SFXN2: variants seen among roughly 807,000 people sequenced by gnomAD.
SFXN2 encodes sideroflexin 2, also known as sideroflexin-2.
A neutral mutation model predicts 41.9 loss-of-function variants in SFXN2; 37 were observed. That is an observed-to-expected ratio of 0.88 (90% CI 0.68 to 1.16). SFXN2 has a LOEUF of 1.16. SFXN2 is among the 50% of genes most tolerant of loss of function. The pLI is 0.00. For missense variants in SFXN2, 386 were observed against 425.2 expected (o/e 0.91, Z 0.81); for synonymous variants, 150 against 156.7 (o/e 0.96, Z 0.32).
At chr10:102,735,620 C>T (rs1451929236) in intron 10 of SFXN2, among the ~76,000 whole-genome samples, 1 of 152,162 alleles carries the variant, frequency 6.6e-6, no homozygotes, top group Non-Finnish European at 1.5e-5. Flanking sequence ...TCTTCCTCTG[C>T]TTGAACAATG....
intron 1 of SFXN2, among the ~76,000 whole-genome samples, chr10:102,723,254 G>A (rs2136035588): frequency 7.4e-6 from 1 of 135,320 alleles, no homozygotes; most frequent in East Asian, 2.3e-4. Flanking sequence ...CGACTAGAAA[G>A]TTTTGTTTTT....
At chr10:102,715,554 T>C (rs2064397609) in intron 1 of SFXN2, among the ~76,000 whole-genome samples, 1 of 152,164 alleles carries the variant, frequency 6.6e-6, no homozygotes, top group African/African-American at 2.4e-5. Flanking sequence ...TTCTAGACGC[T>C]GGAGACACAG....
intron 6 of SFXN2, among the ~76,000 whole-genome samples, chr10:102,731,437 T>C (rs1484471352): frequency 6.6e-6 from 1 of 152,090 alleles, no homozygotes; most frequent in Non-Finnish European, 1.5e-5. Flanking sequence ...TAAGCAAAAC[T>C]GAGGCTTTGG....
chr10:102,733,201 G>A (rs1274629130), intron 9 of SFXN2, among the ~76,000 whole-genome samples: 1 of 152,200 alleles, frequency 6.6e-6, no homozygotes, highest in Non-Finnish European at 1.5e-5. Context: ...AGGCTGGAGT[G>A]CAGTGGCGCG....
rs1388672489 is a variant in SFXN2, at chr10:102,741,486, G to A, written c.*3724G>A. 6.6e-6 allele frequency: 1 copy of A among 152,224 alleles called. No homozygotes were observed. Among genetic ancestry groups the A allele is most frequent in the African/African-American group, 2.4e-5 (1 of 41,448 alleles). 9.4% of individuals were successfully genotyped at this position (152,224 alleles called of 1,614,324 possible). On this transcript the variant is annotated 3_prime_UTR_variant, in exon 12 of 12. Transcript: ENST00000369893. ...AGAAGAGGTATAGAAGCTTCCTTTT[G>A]ATCCAAGGTCTTTTCCTCAATCCTG...
rs1270086932 is a variant in SFXN2, at chr10:102,729,669, C to T, written c.508-54C>T. 1.7e-5 allele frequency: 27 copies of T among 1,554,330 alleles called. 1 individual carries two copies. The highest frequency in any genetic ancestry group is 6.7e-5 in the South Asian group (6 of 89,932). Reference sequence around the variant, plus strand: ...GTATTCTAGTCGTTCAGCCCCCTCCCCTCCCATCTTCCAGCGCTTCTGAAC... The same window carrying T: ...GTATTCTAGTCGTTCAGCCCCCTCCTCTCCCATCTTCCAGCGCTTCTGAAC... On this transcript the variant is annotated intron_variant, in intron 5 of 11. Transcript: ENST00000369893.
At chr10:102,732,945 A>G in intron 9 of SFXN2, 37 bp downstream of exon 9, 3 of 1,611,652 alleles carry the variant, frequency 1.9e-6, no homozygotes, top group Non-Finnish European at 2.5e-6. Flanking sequence ...CCCTGCCCAG[A>G]GTGCGTCCAG....
intron 5 of SFXN2, 68 bp downstream of exon 5, chr10:102,729,462 TC>T: frequency 6.4e-7 from 1 of 1,559,136 alleles, no homozygotes. Flanking sequence ...AAAACGTCCT[TC>T]CCCCAGGGAC....
intron 4 of SFXN2, 72 bp downstream of exon 4, chr10:102,728,601 C>A: frequency 7.4e-7 from 1 of 1,344,130 alleles, no homozygotes; most frequent in South Asian, 1.2e-5. Flanking sequence ...TCTGGGCTGT[C>A]AGTCCTTCCT....
intron 1 of SFXN2, among the ~76,000 whole-genome samples, chr10:102,724,574 C>T (rs1413800459): frequency 2.0e-5 from 3 of 151,980 alleles, no homozygotes; most frequent in Non-Finnish European, 2.9e-5. Flanking sequence ...TGGTGGTGCA[C>T]GCCTGTAGTC....
Position 102,727,026 on chromosome 10 carries a change from G to A in SFXN2, c.201G>A (p.Leu67=). ...VVPPGTQVEQ[L]LYAKKLYDSA... ...CCCCAGGCACCCAAGTGGAGCAGCT[G>A]CTGTATGCCAAGAAGCTGTATGACT... The change falls in exon 3 of 12, where the codon CTG becomes CTA. Residue 67 remains leucine, a synonymous_variant. Coordinates refer to ENST00000369893, the MANE Select transcript of SFXN2 (RefSeq NM_178858.6). 2 of 1,605,690 alleles carry A rather than the reference G, an allele frequency of 1.2e-6. No individual in the cohort carries two copies. Among genetic ancestry groups the A allele is most frequent in the Non-Finnish European group, 1.7e-6 (2 of 1,173,188 alleles).
chr10:102,722,903 G>A (rs1165888777), intron 1 of SFXN2, among the ~76,000 whole-genome samples: 1 of 124,460 alleles, frequency 8.0e-6, no homozygotes, highest in Non-Finnish European at 1.7e-5. Flanking sequence ...CAAATTTCCT[G>A]TTTTGTTTGT....
intron 1 of SFXN2, among the ~76,000 whole-genome samples, chr10:102,723,367 T>C (rs1217840905): frequency 3.3e-5 from 5 of 151,830 alleles, no homozygotes; most frequent in African/African-American, 4.8e-5. Flanking sequence ...TTCTCCTGCC[T>C]CAGCCTCCCG....
intron 11 of SFXN2, among the ~76,000 whole-genome samples, 160 bp from the exon 12 acceptor site, chr10:102,737,503 G>A (rs1344377162): frequency 2.0e-5 from 3 of 152,192 alleles, no homozygotes; most frequent in African/African-American, 7.2e-5. Context: ...GGAGAATGAA[G>A]TCAGGCCTGC....
chr10:102,737,475 C>T (rs922245917), intron 11 of SFXN2, among the ~76,000 whole-genome samples, 188 bp from the exon 12 acceptor site: 4 of 152,064 alleles, frequency 2.6e-5, no homozygotes, highest in East Asian at 1.9e-4. Flanking sequence ...GAAGTTGAAA[C>T]GAAGAACCAT....
At position 102,738,852 on chromosome 10, in the gene SFXN2, T is replaced by G. The variant is rs1163579002; in HGVS notation, c.*1090T>G. On this transcript the variant is annotated 3_prime_UTR_variant, in exon 12 of 12. Transcript: ENST00000369893. The stretch of plus-strand genomic sequence containing the variant: ...GGCATTAACCACACACTTTAATGGG[T>G]ATAATTTCCTGGCTGCCTCCCTTCC... The G allele has an allele frequency of 6.6e-6, 1 of 152,618 alleles. No homozygotes were observed. The highest frequency in any genetic ancestry group is 1.5e-5 in the Non-Finnish European group (1 of 68,052). 9.5% of individuals were successfully genotyped at this position (152,618 alleles called of 1,614,324 possible).
chr10:102,735,811 C>T lies in SFXN2; in HGVS notation c.822-51C>T, dbSNP rs543302246. ...CTTTCCCTTGGGGATGGGGGATGGA[C>T]GGGCCTGTGGGGAGATGTCCCCTGA... On this transcript the variant is annotated intron_variant, in intron 10 of 11. Coordinates refer to ENST00000369893, the MANE Select transcript of SFXN2 (RefSeq NM_178858.6). 4.5e-4 allele frequency: 717 copies of T among 1,593,368 alleles called. 8 individuals are homozygous for T. The South Asian group carries it at 7.4e-3, about 16-fold the overall frequency.
chr10:102,721,644 A>T (rs767977159), intron 1 of SFXN2, among the ~76,000 whole-genome samples: 10 of 148,106 alleles, frequency 6.8e-5, no homozygotes, highest in Non-Finnish European at 1.3e-4. Flanking sequence ...ATATTTAGAA[A>T]ATATATATTA....
At chr10:102,730,672 T>G (rs2064689193) in intron 6 of SFXN2, among the ~76,000 whole-genome samples, 1 of 152,176 alleles carries the variant, frequency 6.6e-6, no homozygotes, top group Non-Finnish European at 1.5e-5. Flanking sequence ...TGGGGTGGGC[T>G]GGGTGCGGTG....
Sources: gnomAD v4.1 joint callset for allele counts (sites outside exome capture counted in the v4.1 genomes callset) on GRCh38, gnomAD v4.1.1 for gene constraint, MANE v1.5 for transcripts, NCBI Gene and HGNC (gene_info 2026-07-23, HGNC 2026-07-21) for gene names.